The following EIF1 variants were observed in gnomAD, a reference collection of about 807,000 sequenced individuals.
EIF1 encodes the protein eukaryotic translation initiation factor 1, also known as protein translation factor SUI1 homolog.
In EIF1, 4 loss-of-function variants were observed where a neutral mutation model predicts 13.7. The ratio of observed to expected loss-of-function variants is 0.29; its 90% CI spans 0.14 to 0.67. The LOEUF (loss-of-function observed/expected upper bound fraction) is 0.67, where lower values mean the gene tolerates loss of function less well. Among genes scored for constraint, EIF1 ranks in the 30% least tolerant of loss-of-function variants. The pLI is 0.77. For synonymous variants in EIF1, 67 were observed against 50.7 expected, an observed-to-expected ratio of 1.32 and a Z score of -1.37; for missense variants, 64 against 138.0, an observed-to-expected ratio of 0.46 and a Z score of 2.69.
intron 3 of EIF1, 197 bp from the exon 4 acceptor site, chr17:41,690,585 A>C (rs1018213088): frequency 8.4e-6 from 5 of 594,844 alleles, no homozygotes; most frequent in African/African-American, 1.9e-5. Flanking sequence ...TCTCATTCTC[A>C]CACTAATTCA....
rs1910368415 is a variant in EIF1 at position 41,691,235 on chromosome 17, C to T, written c.*409C>T. 5.7e-6 allele frequency: 2 copies of T among 347,946 alleles called. No homozygotes were observed. Among genetic ancestry groups the T allele is most frequent in the East Asian group, 8.7e-5 (2 of 22,928 alleles). The allele number at this position is 347,946 out of a possible 1,614,324, so 21.6% of individuals were successfully genotyped here. A position where few individuals can be genotyped will look rare whatever the true frequency, so the allele number is the denominator to read the frequency against. The stretch of plus-strand genomic sequence containing the variant: ...TCTGAGAGGAGAGGATGGGGTAAGG[C>T]AGAAGCACCAGCTGTACTACTAGAA... On this transcript the variant is annotated 3_prime_UTR_variant, in exon 4 of 4. Coordinates refer to ENST00000469257, the MANE Select transcript of EIF1 (RefSeq NM_005801.4).
In EIF1 at chr17:41,691,181, ATG is replaced by A; in HGVS notation, c.*357_*358del. On this transcript the variant is annotated 3_prime_UTR_variant, in exon 4 of 4. Coordinates refer to ENST00000469257, the MANE Select transcript of EIF1 (RefSeq NM_005801.4). ...CTGCAGAGTTCCCTACCCTAAGAGA[ATG>A]TTACCACCTGAACAGTCCTCGGTGA... 1 of 463,316 alleles carries A rather than the reference ATG, an allele frequency of 2.2e-6. No homozygotes were observed. Among genetic ancestry groups the A allele is most frequent in the Non-Finnish European group, 3.9e-6 (1 of 259,620 alleles). 28.7% of individuals were successfully genotyped at this position (463,316 alleles called of 1,614,324 possible).
At chr17:41,689,664 A>G in intron 1 of EIF1, 114 bp from the exon 2 acceptor site, 1 of 1,115,806 alleles carries the variant, frequency 9.0e-7, no homozygotes. Flanking sequence ...GCCTGGCCCA[A>G]GCCCTGACGA....
Position 41,688,951 on chromosome 17 carries a change from G to A in EIF1, c.-88G>A. Reference sequence around the variant, plus strand: ...CCCTTGAGCCCCCTCGCTTCCCGACGTTCCGTTCCCCCCTGCCCGCCTTCT... The same window carrying A: ...CCCTTGAGCCCCCTCGCTTCCCGACATTCCGTTCCCCCCTGCCCGCCTTCT... On this transcript the variant is annotated 5_prime_UTR_variant, in exon 1 of 4. Transcript: ENST00000469257. The A allele has an allele frequency of 7.0e-7, 1 of 1,428,188 alleles. No homozygotes were observed. Among genetic ancestry groups the A allele is most frequent in the African/African-American group, 1.4e-5 (1 of 71,562 alleles). 88.5% of individuals were successfully genotyped at this position (1,428,188 alleles called of 1,614,324 possible).
At chr17:41,690,675 G>C in intron 3 of EIF1, 107 bp from the exon 4 acceptor site, 3 of 1,250,548 alleles carry the variant, frequency 2.4e-6, no homozygotes, top group Non-Finnish European at 3.5e-6. Flanking sequence ...GCGCACCCCT[G>C]GCTCTTGGGC....
chr17:41,689,457 G>T, intron 1 of EIF1: 1 of 471,950 alleles, frequency 2.1e-6, no homozygotes, highest in Non-Finnish European at 3.8e-6. Flanking sequence ...ATGGGGGTGG[G>T]AGGCTTAGCC....
chr17:41,689,770 T>A lies in EIF1; in HGVS notation c.32-8T>A, dbSNP rs374312064. The A allele has an allele frequency of 2.5e-5, 40 of 1,587,222 alleles. No homozygotes were observed. Among genetic ancestry groups the A allele is most frequent in the Non-Finnish European group, 3.3e-5 (39 of 1,165,308 alleles). On this transcript the variant is annotated splice_polypyrimidine_tract_variant and splice_region_variant and intron_variant, in intron 1 of 3. Coordinates refer to ENST00000469257, the MANE Select transcript of EIF1 (RefSeq NM_005801.4). The stretch of plus-strand genomic sequence containing the variant: ...ACAGCTCTGAACGAGCTTAACCTTT[T>A]TTTTCAGACCCCTTTGCTGATGCAA...
At chr17:41,690,055 C>G (rs1049929271) in intron 2 of EIF1, 33 bp from the exon 3 acceptor site, 6 of 1,611,138 alleles carry the variant, frequency 3.7e-6, no homozygotes, top group African/African-American at 2.7e-5. Flanking sequence ...CATGCTCTTG[C>G]TAGGCCTAAT....
chr17:41,689,728 GT>G (rs1910317628), intron 1 of EIF1, 49 bp from the exon 2 acceptor site: 1 of 1,524,756 alleles, frequency 6.6e-7, no homozygotes, highest in Non-Finnish European at 8.8e-7. Flanking sequence ...GGGGATGGCA[GT>G]GGCATCCTAT....
intron 1 of EIF1, chr17:41,689,442 C>T: frequency 4.2e-6 from 2 of 480,268 alleles, no homozygotes; most frequent in South Asian, 5.5e-5. Context: ...CAAGCGGGTG[C>T]ACCAATGGGG....
At chr17:41,690,402 G>A in intron 3 of EIF1, 1 of 573,680 alleles carries the variant, frequency 1.7e-6, no homozygotes, top group Non-Finnish European at 3.1e-6. Flanking sequence ...CTACTTCACA[G>A]ATGCAAATTT....
chr17:41,689,670 G>A, intron 1 of EIF1, 108 bp from the exon 2 acceptor site: 1 of 1,192,546 alleles, frequency 8.4e-7, no homozygotes. Context: ...CCCAAGCCCT[G>A]ACGATTTCAG....
At chr17:41,690,018 G>A (rs1910325985) in intron 2 of EIF1, 70 bp from the exon 3 acceptor site, 1 of 1,610,744 alleles carries the variant, frequency 6.2e-7, no homozygotes, top group African/African-American at 1.3e-5. Context: ...TGTATGTATT[G>A]TTAGCGGAAG....
rs1049281048 is a variant in EIF1, at chr17:41,691,097, C to G, written c.*271C>G. The G allele has an allele frequency of 3.6e-6, 2 of 558,626 alleles. No homozygotes were observed. The highest frequency in any genetic ancestry group is 3.7e-5 in the African/African-American group (2 of 53,398). 34.6% of individuals were successfully genotyped at this position (558,626 alleles called of 1,614,324 possible). On this transcript the variant is annotated 3_prime_UTR_variant, in exon 4 of 4. Coordinates refer to ENST00000469257, the MANE Select transcript of EIF1 (RefSeq NM_005801.4). ...ACCAAGCAATACCGTCATGTTTCAGCCAAGCCCAGAGCCCTAAGATTACAA... is the reference window on the plus strand; with the variant it reads ...ACCAAGCAATACCGTCATGTTTCAGGCAAGCCCAGAGCCCTAAGATTACAA...
In EIF1 at chr17:41,692,218, C is replaced by T. The variant is rs1910401666; in HGVS notation, c.*1392C>T. On this transcript the variant is annotated 3_prime_UTR_variant, in exon 4 of 4. Coordinates refer to ENST00000469257, the MANE Select transcript of EIF1 (RefSeq NM_005801.4). ...TAGTAACAGCCTTGGTTTAAGGGCG[C>T]AGAGTGGAGAGTAAATGCAAGGGCT... The T allele has an allele frequency of 6.6e-6, 1 of 152,192 alleles. No homozygotes were observed. The allele number at this position is 152,192 out of a possible 1,614,324, so 9.4% of individuals were successfully genotyped here.
chr17:41,689,736 C>G lies in EIF1; in HGVS notation c.32-42C>G, dbSNP rs773329846. The G allele has an allele frequency of 7.2e-6, 11 of 1,538,192 alleles. No individual in the cohort carries two copies. In the African/African-American group the frequency reaches 1.5e-4, roughly 21 times the overall value. Reference sequence around the variant, plus strand: ...GGACCGAGGGGATGGCAGTGGCATCCTATCTTTGACAGCTCTGAACGAGCT... The same window carrying G: ...GGACCGAGGGGATGGCAGTGGCATCGTATCTTTGACAGCTCTGAACGAGCT... On this transcript the variant is annotated intron_variant, in intron 1 of 3. Coordinates refer to ENST00000469257, the MANE Select transcript of EIF1 (RefSeq NM_005801.4).
chr17:41,690,533 C>G (rs1910342736), intron 3 of EIF1: 1 of 565,562 alleles, frequency 1.8e-6, no homozygotes, highest in South Asian at 2.5e-5. Flanking sequence ...GTTACATGAT[C>G]AGCTCTTGAT....
intron 2 of EIF1, 67 bp from the exon 3 acceptor site, chr17:41,690,021 A>G: frequency 6.2e-7 from 1 of 1,611,078 alleles, no homozygotes; most frequent in Non-Finnish European, 8.5e-7. Flanking sequence ...ATGTATTGTT[A>G]GCGGAAGGGG....
chr17:41,690,288 C>A, intron 3 of EIF1, 99 bp downstream of exon 3: 1 of 919,918 alleles, frequency 1.1e-6, no homozygotes, highest in Non-Finnish European at 1.7e-6. Context: ...CTTTGTAAGG[C>A]TGAGCAAAAC....
Sources: allele counts gnomAD v4.1 joint callset, GRCh38; gene constraint gnomAD v4.1.1; transcripts MANE v1.5; gene names NCBI Gene and HGNC (gene_info 2026-07-23, HGNC 2026-07-21).